Variants in CADPS2 observed in about 807,000 individuals in gnomAD.
CADPS2 encodes the protein calcium dependent secretion activator 2, also known as calcium-dependent secretion activator 2.
In CADPS2, 93 loss-of-function variants were observed where a neutral mutation model predicts 172.5. The observed-to-expected ratio is 0.54, with a 90% CI of 0.46 to 0.64. The LOEUF (loss-of-function observed/expected upper bound fraction) is 0.64, where lower values mean the gene tolerates loss of function less well. Ranked by LOEUF, CADPS2 falls within the 30% of genes least tolerant of loss-of-function variation. The pLI is 0.00. For synonymous variants in CADPS2, 546 were observed against 555.2 expected (o/e 0.98, Z 0.23); for missense variants, 1,420 against 1,565.9 (o/e 0.91, Z 1.57).
At chr7:122,337,807 G>C (rs987261430) in intron 28 of CADPS2, among the ~76,000 whole-genome samples, 1 of 148,226 alleles carries the variant, frequency 6.7e-6, no homozygotes, top group African/African-American at 2.5e-5. Context: ...CATCTACTGA[G>C]GCAGAGAAGA....
At chr7:122,652,032 C>T (rs1012292654) in intron 3 of CADPS2, among the ~76,000 whole-genome samples, 1 of 152,182 alleles carries the variant, frequency 6.6e-6, no homozygotes, top group African/African-American at 2.4e-5. Flanking sequence ...TTCATGCCTG[C>T]ATTCTTTGCA....
At chr7:122,769,905 T>C (rs1562971779) in intron 1 of CADPS2, among the ~76,000 whole-genome samples, 1 of 152,228 alleles carries the variant, frequency 6.6e-6, no homozygotes, top group Non-Finnish European at 1.5e-5. Flanking sequence ...TAAATTATAA[T>C]TGTCATGATT....
chr7:122,706,762 T>A (rs1238159231), intron 2 of CADPS2, among the ~76,000 whole-genome samples: 1 of 147,924 alleles, frequency 6.8e-6, no homozygotes, highest in East Asian at 2.0e-4. Context: ...TATATATATA[T>A]AAAATGTATG....
chr7:122,607,848 T>C (rs1329375493), intron 6 of CADPS2, among the ~76,000 whole-genome samples: 1 of 152,166 alleles, frequency 6.6e-6, no homozygotes, highest in African/African-American at 2.4e-5. Flanking sequence ...AAGCAATCTG[T>C]CATGATTTTG....
chr7:122,728,772 T>TG (rs972584246), intron 2 of CADPS2, among the ~76,000 whole-genome samples: 1 of 151,758 alleles, frequency 6.6e-6, no homozygotes, highest in Non-Finnish European at 1.5e-5. Context: ...TACACATTCA[T>TG]GGGGGCACTT....
chr7:122,569,504 CTT>C lies in CADPS2; in HGVS notation c.1335+11673_1335+11674del, dbSNP rs2066909303. The stretch of plus-strand genomic sequence containing the variant: ...GCCATCCCCATCAAGCTACCAATGA[CTT>C]TCTTCACAGAATTGGAAAAAACTAC... On this transcript the variant is annotated intron_variant, in intron 7 of 29. Transcript: ENST00000449022. Among the ~76,000 whole-genome samples the C allele has an allele frequency of 2.8e-5, 4 of 142,558 alleles. 1 individual carries two copies. The South Asian group carries it at 9.1e-4, about 33-fold the overall frequency. The allele number at this position is 142,558 out of a possible 152,430, so 93.5% of individuals were successfully genotyped here. A position where few individuals can be genotyped will look rare whatever the true frequency, so the allele number is the denominator to read the frequency against.
At chr7:122,713,970 T>C (rs549437747) in intron 2 of CADPS2, among the ~76,000 whole-genome samples, 1 of 152,222 alleles carries the variant, frequency 6.6e-6, no homozygotes, top group South Asian at 2.1e-4. Flanking sequence ...TTTCAATATG[T>C]TGACAAAGAG....
At chr7:122,450,766 C>A (rs1007381361) in intron 15 of CADPS2, among the ~76,000 whole-genome samples, 1 of 152,016 alleles carries the variant, frequency 6.6e-6, no homozygotes, top group South Asian at 2.1e-4. Flanking sequence ...AACTCCTGGT[C>A]TCAAGTGATC....
intron 8 of CADPS2, among the ~76,000 whole-genome samples, chr7:122,519,242 C>T (rs2060602056): frequency 6.6e-6 from 1 of 152,014 alleles, no homozygotes; most frequent in African/African-American, 2.4e-5. Context: ...TGAACTATTT[C>T]CAATGCATCA....
chr7:122,531,049 T>C (rs371086478), intron 8 of CADPS2, among the ~76,000 whole-genome samples: 3 of 152,230 alleles, frequency 2.0e-5, no homozygotes, highest in Admixed American at 6.5e-5. Flanking sequence ...CTCACTGAGG[T>C]GCCATTTAAA....
At chr7:122,852,434 A>G (rs1425164236) in intron 1 of CADPS2, among the ~76,000 whole-genome samples, 2 of 152,186 alleles carry the variant, frequency 1.3e-5, no homozygotes. Context: ...TTAAGAGGTA[A>G]TTAGTGCAAA....
chr7:122,574,090 G>A (rs1001287322), intron 7 of CADPS2, among the ~76,000 whole-genome samples: 2 of 151,780 alleles, frequency 1.3e-5, no homozygotes, highest in African/African-American at 4.8e-5. Flanking sequence ...AATTATTTAC[G>A]CAAAATGAGT....
At chr7:122,754,903 T>G (rs1014894749) in intron 1 of CADPS2, among the ~76,000 whole-genome samples, 2 of 152,224 alleles carry the variant, frequency 1.3e-5, no homozygotes. Context: ...CATTTCCAAA[T>G]AGTCTGTTTT....
At chr7:122,687,698 C>T (rs1198088929) in intron 2 of CADPS2, among the ~76,000 whole-genome samples, 2 of 152,148 alleles carry the variant, frequency 1.3e-5, no homozygotes, top group Admixed American at 1.3e-4. Flanking sequence ...TCACACTTGC[C>T]AGCTTTACTC....
intron 7 of CADPS2, among the ~76,000 whole-genome samples, chr7:122,573,296 C>A (rs564612731): frequency 9.9e-5 from 15 of 152,230 alleles, no homozygotes; most frequent in African/African-American, 3.6e-4. Flanking sequence ...AATCCCTACA[C>A]TTTGGGAGGT....
At chr7:122,869,359 C>A (rs1819140740) in intron 1 of CADPS2, among the ~76,000 whole-genome samples, 1 of 152,000 alleles carries the variant, frequency 6.6e-6, no homozygotes, top group Admixed American at 6.6e-5. Flanking sequence ...TACAAAGGAA[C>A]TTCTATAACA....
intron 8 of CADPS2, among the ~76,000 whole-genome samples, chr7:122,533,635 G>A (rs2131379217): frequency 6.6e-6 from 1 of 152,190 alleles, no homozygotes; most frequent in South Asian, 2.1e-4. Context: ...ATATCCAGAA[G>A]TCTCATGTTA....
intron 1 of CADPS2, among the ~76,000 whole-genome samples, chr7:122,842,404 A>G (rs1182227439): frequency 6.6e-6 from 1 of 152,176 alleles, no homozygotes; most frequent in Non-Finnish European, 1.5e-5. Context: ...TCTGGTTTGC[A>G]GCTGTGTTCT....
At chr7:122,377,340 T>A (rs866252774) in intron 25 of CADPS2, among the ~76,000 whole-genome samples, 1 of 152,274 alleles carries the variant, frequency 6.6e-6, no homozygotes, top group Middle Eastern at 3.4e-3. Flanking sequence ...AGTGTCTTAC[T>A]TTGCCAGAAA....
Sources: gnomAD v4.1 joint callset for allele counts (sites outside exome capture counted in the v4.1 genomes callset) on GRCh38, gnomAD v4.1.1 for gene constraint, MANE v1.5 for transcripts, NCBI Gene and HGNC (gene_info 2026-07-23, HGNC 2026-07-21) for gene names.